Variants in OR7C1 observed in about 807,000 individuals in gnomAD.
The protein encoded by OR7C1 is olfactory receptor family 7 subfamily C member 1, also known as olfactory receptor 7C1.
For synonymous variants in OR7C1, 152 were observed against 160.7 expected, an observed-to-expected ratio of 0.95 and a Z score of 0.41; for missense variants, 324 against 383.3, an observed-to-expected ratio of 0.85 and a Z score of 1.29.
At chr19:14,798,555 AG>A (rs943536420) in exon 5 of OR7C1, 12 of 152,436 alleles carry the variant, frequency 7.9e-5, no homozygotes, top group Admixed American at 2.0e-4. Flanking sequence ...GAGAAAGAGA[AG>A]AGCTCTATGT....
At chr19:14,818,634 T>C (rs1190794607) in intron 1 of OR7C1, among the ~76,000 whole-genome samples, 1 of 152,206 alleles carries the variant, frequency 6.6e-6, no homozygotes, top group Non-Finnish European at 1.5e-5. Context: ...CTGTATTTGA[T>C]TGCATTTTTT....
At chr19:14,833,570 T>C (rs1417786430) in intron 1 of OR7C1, among the ~76,000 whole-genome samples, 2 of 152,220 alleles carry the variant, frequency 1.3e-5, no homozygotes, top group Non-Finnish European at 2.9e-5. Flanking sequence ...AAGGCAATAA[T>C]TGCAGAAGTA....
intron 1 of OR7C1, among the ~76,000 whole-genome samples, chr19:14,819,638 T>C (rs2044731867): frequency 6.6e-6 from 1 of 152,248 alleles, no homozygotes; most frequent in African/African-American, 2.4e-5. Context: ...AGTGGTTATC[T>C]TTTGCCACTA....
chr19:14,816,593 A>G (rs1478810247), intron 1 of OR7C1, among the ~76,000 whole-genome samples: 1 of 152,176 alleles, frequency 6.6e-6, no homozygotes, highest in Non-Finnish European at 1.5e-5. Flanking sequence ...TCAGCCGCAG[A>G]CTGAAGGCTG....
rs376227866 is a variant in OR7C1 at position 14,801,004 on chromosome 19, C to T, written c.-434-240G>A. 6.6e-5 allele frequency among the ~76,000 whole-genome samples: 10 copies of T among 152,248 alleles called. No individual in the cohort carries two copies. In the South Asian group the frequency reaches 1.0e-3, roughly 16 times the overall value. ...TCTTCTCTTCTCCCTATTAAACCTCCGCCTCTGAACTCCTCGTGTGTGTCC... is the reference window on the plus strand; with the variant it reads ...TCTTCTCTTCTCCCTATTAAACCTCTGCCTCTGAACTCCTCGTGTGTGTCC... On this transcript the variant is annotated intron_variant, in intron 2 of 4. Transcript: ENST00000641666.
chr19:14,819,675 T>C (rs567014427), intron 1 of OR7C1, among the ~76,000 whole-genome samples: 1 of 152,336 alleles, frequency 6.6e-6, no homozygotes, highest in East Asian at 1.9e-4. Context: ...ATACCCACGT[T>C]GAGATTTCCT....
intron 2 of OR7C1, among the ~76,000 whole-genome samples, chr19:14,802,235 A>G (rs1229356303): frequency 1.3e-5 from 2 of 152,186 alleles, no homozygotes; most frequent in African/African-American, 4.8e-5. Context: ...AATATGTCCA[A>G]TGGGCCGGGC....
intron 1 of OR7C1, among the ~76,000 whole-genome samples, chr19:14,831,671 C>T: frequency 6.6e-6 from 1 of 152,064 alleles, no homozygotes; most frequent in East Asian, 1.9e-4. Context: ...TCTCGATCTC[C>T]TGACCTCGTG....
intron 1 of OR7C1, among the ~76,000 whole-genome samples, chr19:14,832,753 C>T (rs957183083): frequency 1.3e-5 from 2 of 151,482 alleles, no homozygotes; most frequent in African/African-American, 2.4e-5. Flanking sequence ...AAAGATGTGA[C>T]GATGTATGCA....
intron 2 of OR7C1, among the ~76,000 whole-genome samples, chr19:14,807,277 A>T (rs2044670278): frequency 6.6e-6 from 1 of 151,882 alleles, no homozygotes; most frequent in Non-Finnish European, 1.5e-5. Context: ...GTAATTGATC[A>T]TTGTGCCAGA....
chr19:14,810,762 G>A (rs1843572220), intron 1 of OR7C1, among the ~76,000 whole-genome samples: 1 of 151,758 alleles, frequency 6.6e-6, no homozygotes, highest in Non-Finnish European at 1.5e-5. Context: ...AAAAATTAAT[G>A]GGCCATTTCC....
chr19:14,809,301 G>A (rs1479716776), intron 2 of OR7C1, among the ~76,000 whole-genome samples: 1 of 151,896 alleles, frequency 6.6e-6, no homozygotes, highest in Non-Finnish European at 1.5e-5. Context: ...ATAAATACGA[G>A]GAGATGGTAA....
intron 1 of OR7C1, chr19:14,827,132 G>T: frequency 1.4e-6 from 1 of 692,744 alleles, no homozygotes; most frequent in Non-Finnish European, 2.1e-6. Flanking sequence ...CTTAATAAAA[G>T]GAGTTGCTTA....
chr19:14,818,817 A>G (rs2044728352), intron 1 of OR7C1, among the ~76,000 whole-genome samples: 1 of 152,162 alleles, frequency 6.6e-6, no homozygotes, highest in Non-Finnish European at 1.5e-5. Context: ...GTTGCATTTT[A>G]GATAGTTTAG....
chr19:14,799,885 A>G, exon 5 of OR7C1: 1 of 1,614,178 alleles, frequency 6.2e-7, no homozygotes, highest in Non-Finnish European at 8.5e-7. Context: ...GTGTCAGTAT[A>G]TTCAGTAACA....
At chr19:14,823,388 GT>G (rs1384951376) in intron 1 of OR7C1, among the ~76,000 whole-genome samples, 3 of 152,318 alleles carry the variant, frequency 2.0e-5, no homozygotes, top group Non-Finnish European at 4.4e-5. Context: ...GGAGGTGGAG[GT>G]TGTGGTGAGC....
chr19:14,800,055 A>G lies in OR7C1; in HGVS notation c.82T>C (p.Phe28Leu), dbSNP rs1231970791. The stretch of plus-strand genomic sequence containing the variant: ...AGGTACATGGAGAGGAACAGCCCAA[A>G]GAGAATGAACTGAATCTCTGACGTT... The change falls in exon 5 of 5, where the codon TTT (phenylalanine) becomes CTT (leucine). Residue 28 changes from phenylalanine (F) to leucine (L), a missense_variant. Transcript: ENST00000641666. The G allele has an allele frequency of 8.1e-6, 13 of 1,613,478 alleles. No individual in the cohort carries two copies. Among genetic ancestry groups the G allele is most frequent in the Middle Eastern group, 1.6e-4 (1 of 6,082 alleles).
At chr19:14,807,774 T>C (rs1400542610) in intron 2 of OR7C1, among the ~76,000 whole-genome samples, 2 of 151,710 alleles carry the variant, frequency 1.3e-5, no homozygotes, top group African/African-American at 2.4e-5. Context: ...TGGGTGCCTG[T>C]AGTCCCAGCT....
intron 1 of OR7C1, among the ~76,000 whole-genome samples, chr19:14,814,572 C>T (rs2044707517): frequency 1.3e-5 from 2 of 152,032 alleles, no homozygotes; most frequent in South Asian, 4.1e-4. Flanking sequence ...TAAAGGCACC[C>T]ACCACCATGC....
Sources: gnomAD v4.1 joint callset for allele counts (sites outside exome capture counted in the v4.1 genomes callset) on GRCh38, gnomAD v4.1.1 for gene constraint, MANE v1.5 for transcripts, NCBI Gene and HGNC (gene_info 2026-07-23, HGNC 2026-07-21) for gene names.